ANO6: variants seen among roughly 807,000 people sequenced by gnomAD.
ANO6 encodes anoctamin 6.
ANO6 carries 106 observed loss-of-function variants against 117.5 expected under a neutral mutation model. The observed-to-expected ratio is 0.90, with a 90% CI of 0.77 to 1.06. The LOEUF (loss-of-function observed/expected upper bound fraction) is 1.06. ANO6 is among the 50% of genes least tolerant of loss of function. The probability of loss-of-function intolerance (pLI) is 0.00; values close to 1 mark genes in which losing one functional copy is unlikely to be tolerated. For missense variants in ANO6, 955 were observed against 1,121.1 expected, an observed-to-expected ratio of 0.85 and a Z score of 2.12; for synonymous variants, 367 against 385.1, an observed-to-expected ratio of 0.95 and a Z score of 0.55.
At chr12:45,304,475 A>C (rs2137313446) in intron 2 of ANO6, among the ~76,000 whole-genome samples, 1 of 152,278 alleles carries the variant, frequency 6.6e-6, no homozygotes, top group South Asian at 2.1e-4. Flanking sequence ...AGAGGAATAA[A>C]AGGAGGTGAA....
chr12:45,359,208 A>G (rs1283724232), intron 8 of ANO6, among the ~76,000 whole-genome samples: 1 of 152,024 alleles, frequency 6.6e-6, no homozygotes, highest in Non-Finnish European at 1.5e-5. Flanking sequence ...CCACTAATCT[A>G]TTTGCTTTCT....
chr12:45,319,192 C>T (rs1305356701), intron 2 of ANO6, among the ~76,000 whole-genome samples: 1 of 152,076 alleles, frequency 6.6e-6, no homozygotes, highest in Non-Finnish European at 1.5e-5. Flanking sequence ...CTGTCTTGTG[C>T]CAGGTTTCAA....
At chr12:45,331,473 T>C (rs1485923460) in intron 3 of ANO6, 50 bp downstream of exon 3, 20 of 1,486,016 alleles carry the variant, frequency 1.3e-5, no homozygotes, top group Non-Finnish European at 1.7e-5. Flanking sequence ...TATTGTAACA[T>C]GAAAAAACTG....
chr12:45,246,856 C>T (rs1369114763), intron 1 of ANO6, among the ~76,000 whole-genome samples: 1 of 151,698 alleles, frequency 6.6e-6, no homozygotes, highest in Non-Finnish European at 1.5e-5. Flanking sequence ...CCTCCGCCTC[C>T]TGGGTTCAAG....
chr12:45,352,642 A>C (rs1941309432), intron 7 of ANO6, among the ~76,000 whole-genome samples: 1 of 151,066 alleles, frequency 6.6e-6, no homozygotes, highest in South Asian at 2.1e-4. Flanking sequence ...GAGAAGGGAG[A>C]ATTGCTCGAG....
intron 10 of ANO6, among the ~76,000 whole-genome samples, chr12:45,385,891 A>G (rs963083946): frequency 2.0e-5 from 3 of 152,176 alleles, no homozygotes; most frequent in Non-Finnish European, 2.9e-5. Flanking sequence ...AAACATGTTC[A>G]GTTGTCTTTG....
At chr12:45,289,729 G>A (rs1017628140) in intron 1 of ANO6, among the ~76,000 whole-genome samples, 5 of 152,190 alleles carry the variant, frequency 3.3e-5, no homozygotes, top group African/African-American at 9.7e-5. Flanking sequence ...CAATTTGTGA[G>A]ATGATTAGAG....
intron 17 of ANO6, 133 bp from the exon 18 acceptor site, chr12:45,420,938 T>C (rs1943343127): frequency 1.1e-6 from 1 of 951,916 alleles, no homozygotes; most frequent in Non-Finnish European, 1.6e-6. Context: ...GGCAGGAGAA[T>C]TTTTTGAACC....
chr12:45,402,964 T>C (rs1247905879), intron 13 of ANO6, 108 bp from the exon 14 acceptor site: 3 of 1,055,654 alleles, frequency 2.8e-6, no homozygotes, highest in Non-Finnish European at 1.4e-6. Flanking sequence ...GTGTGAATTG[T>C]ATTTTTTTAA....
rs753887783 is a variant in ANO6, at chr12:45,251,647, C to T, written c.70+35256C>T. ...TCTTCAAAGACTTAGCCTTCCAAGT[C>T]GCAGGTACCTTTCTCATCATGCACC... On this transcript the variant is annotated intron_variant, in intron 1 of 19. Transcript: ENST00000320560. Among the ~76,000 whole-genome samples the T allele has an allele frequency of 3.9e-5, 6 of 152,130 alleles. No homozygotes were observed. The South Asian group carries it at 6.2e-4, about 16-fold the overall frequency.
chr12:45,376,662 T>A (rs1184056992), intron 9 of ANO6, among the ~76,000 whole-genome samples: 3 of 136,172 alleles, frequency 2.2e-5, no homozygotes, highest in African/African-American at 8.4e-5. Flanking sequence ...TGAGATCACA[T>A]GGACACAGGA....
At chr12:45,348,665 T>A in intron 6 of ANO6, 34 bp downstream of exon 6, 1 of 1,479,774 alleles carries the variant, frequency 6.8e-7, no homozygotes, top group Non-Finnish European at 9.5e-7. Context: ...CTAAAAGGCC[T>A]TCTGTATACT....
intron 10 of ANO6, 146 bp downstream of exon 10, chr12:45,378,259 C>T (rs955563608): frequency 2.6e-6 from 2 of 771,456 alleles, no homozygotes; most frequent in African/African-American, 1.8e-5. Flanking sequence ...GGGCATTTAT[C>T]AGTTAACTTT....
At position 45,430,210 on chromosome 12, in the gene ANO6, C is replaced by A. The variant is rs1166346012; in HGVS notation, c.*899C>A. On this transcript the variant is annotated 3_prime_UTR_variant, in exon 20 of 20. Coordinates refer to ENST00000320560, the MANE Select transcript of ANO6 (RefSeq NM_001025356.3). ...ATTACATTTTTATCAACATAATTGT[C>A]TGGAAAAGATAAGCCCCTCAATTTT... 15 of 985,252 alleles carry A rather than the reference C, an allele frequency of 1.5e-5. No homozygotes were observed. The highest frequency in any genetic ancestry group is 1.7e-5 in the Non-Finnish European group (14 of 829,926). The allele number at this position is 985,252 out of a possible 1,614,324, so 61.0% of individuals were successfully genotyped here.
chr12:45,272,201 C>A (rs1192661400), intron 1 of ANO6, among the ~76,000 whole-genome samples: 2 of 139,950 alleles, frequency 1.4e-5, no homozygotes, highest in African/African-American at 5.2e-5. Flanking sequence ...TTTTTCTTTT[C>A]TTTTTTTTTT....
intron 16 of ANO6, among the ~76,000 whole-genome samples, chr12:45,415,255 G>C (rs7308092): frequency 0.12 from 18,970 of 152,094 alleles, 1,634 homozygotes; most frequent in East Asian, 0.36. Context: ...AGTGGTCTTA[G>C]TTTTCTCATT....
intron 1 of ANO6, among the ~76,000 whole-genome samples, chr12:45,284,818 A>G (rs1938854850): frequency 6.6e-6 from 1 of 152,212 alleles, no homozygotes; most frequent in South Asian, 2.1e-4. Flanking sequence ...GCATAAAAGG[A>G]AAGGACAAGG....
At chr12:45,282,442 A>G (rs547697617) in intron 1 of ANO6, among the ~76,000 whole-genome samples, 15 of 152,328 alleles carry the variant, frequency 9.8e-5, no homozygotes, top group African/African-American at 3.4e-4. Flanking sequence ...GAGAAATGGA[A>G]GACCCTCTAA....
At chr12:45,306,655 A>T (rs561320597) in intron 2 of ANO6, among the ~76,000 whole-genome samples, 2 of 152,292 alleles carry the variant, frequency 1.3e-5, no homozygotes, top group East Asian at 3.9e-4. Flanking sequence ...TGTGATCCCA[A>T]GGAAGAGTTA....
Sources: gnomAD v4.1 joint callset for allele counts (sites outside exome capture counted in the v4.1 genomes callset) on GRCh38, gnomAD v4.1.1 for gene constraint, MANE v1.5 for transcripts, NCBI Gene and HGNC (gene_info 2026-07-23, HGNC 2026-07-21) for gene names.